The following ENTR1 variants were observed in gnomAD, a reference collection of about 807,000 sequenced individuals.
ENTR1 encodes endosome associated trafficking regulator 1.
ENTR1 carries 47 observed loss-of-function variants against 47.9 expected under a neutral mutation model. That is an observed-to-expected ratio of 0.98 (90% CI 0.78 to 1.25). The LOEUF (loss-of-function observed/expected upper bound fraction) is 1.25. Among genes scored for constraint, ENTR1 ranks in the 50% most tolerant of loss-of-function variants. ENTR1 has a pLI of 0.00. For missense variants in ENTR1, 668 were observed against 570.5 expected, an observed-to-expected ratio of 1.17 and a Z score of -1.74; for synonymous variants, 290 against 245.8, an observed-to-expected ratio of 1.18 and a Z score of -1.68.
chr9:136,407,418 G>T lies in ENTR1; in HGVS notation c.546C>A (p.Thr182=), dbSNP rs371136291. Residue 182 remains threonine, a synonymous_variant, in exon 5 of 10, where the codon ACC becomes ACA. Coordinates refer to ENST00000357365, the MANE Select transcript of ENTR1 (RefSeq NM_001039707.2). ...ACGGCAGGTAGGCCCCACTCCATCCGGTGTCCTCATCCTCCTCCTCATCCA... is the reference window on the plus strand; with the variant it reads ...ACGGCAGGTAGGCCCCACTCCATCCTGTGTCCTCATCCTCCTCCTCATCCA... The part of the protein sequence containing the change: ...DLLDEEEDED[T]GWSGAYLPSA... 1.2e-6 allele frequency: 2 copies of T among 1,609,580 alleles called. No homozygotes were observed. Among genetic ancestry groups the T allele is most frequent in the South Asian group, 1.1e-5 (1 of 90,466 alleles).
rs1384679395 is a variant in ENTR1, at chr9:136,404,965, C to T, written c.1005+126G>A. 13 of 775,916 alleles carry T rather than the reference C, an allele frequency of 1.7e-5. No individual in the cohort carries two copies. The Admixed American group carries it at 3.0e-4, about 18-fold the overall frequency. The allele number at this position is 775,916 out of a possible 1,614,324, so 48.1% of individuals were successfully genotyped here. ...GCGAGACAGCGACGTCAAAGAACAC[C>T]AGTCCCAGAGAGCCACATGGCCCCG... On this transcript the variant is annotated intron_variant, in intron 7 of 9. Transcript: ENST00000357365.
chr9:136,407,841 G>A lies in ENTR1; in HGVS notation c.387C>T (p.Ser129=), dbSNP rs772125333. The A allele has an allele frequency of 1.2e-6, 2 of 1,611,430 alleles. No individual in the cohort carries two copies. Among genetic ancestry groups the A allele is most frequent in the South Asian group, 1.1e-5 (1 of 91,046 alleles). ...NLGLSKEDPA[S]RIYAKEASRH... ...GTGGATTTACCTTTGCATAAATTCT[G>A]CTGGCCGGATCCTCTTTCGAGAGGC... The change falls in exon 4 of 10, where the codon AGC becomes AGT. Residue 129 remains serine (S), a synonymous_variant. Coordinates refer to ENST00000357365, the MANE Select transcript of ENTR1 (RefSeq NM_001039707.2).
At chr9:136,403,406 T>C (rs1230864894) in intron 9 of ENTR1, among the ~76,000 whole-genome samples, 1 of 39,388 alleles carries the variant, frequency 2.5e-5, no homozygotes, top group East Asian at 7.2e-4. Context: ...GAGCAAGGGG[T>C]GGGGTTTGCC....
intron 8 of ENTR1, 81 bp from the exon 9 acceptor site, chr9:136,404,275 T>C: frequency 6.6e-7 from 1 of 1,525,178 alleles, no homozygotes; most frequent in Admixed American, 2.1e-5. Flanking sequence ...GGCGAGGGCT[T>C]ACCCGTGGGG....
At chr9:136,405,779 G>T in intron 6 of ENTR1, 126 bp downstream of exon 6, 1 of 588,390 alleles carries the variant, frequency 1.7e-6, no homozygotes, top group Non-Finnish European at 2.9e-6. Flanking sequence ...TGTGTTTGAT[G>T]CTGAACATTT....
chr9:136,408,461 C>A (rs1834892701), intron 3 of ENTR1, among the ~76,000 whole-genome samples: 2 of 151,960 alleles, frequency 1.3e-5, no homozygotes, highest in Non-Finnish European at 1.5e-5. Context: ...GCCTGTAGTC[C>A]CAGCTACTCG....
intron 2 of ENTR1, 199 bp downstream of exon 2, chr9:136,409,891 G>T: frequency 1.4e-6 from 1 of 736,964 alleles, no homozygotes; most frequent in Non-Finnish European, 2.5e-6. Context: ...TACTGGAACT[G>T]TCTGTCTTGG....
rs1324852897 is a variant in ENTR1, at chr9:136,405,902, T to C, written c.893+3A>G. The C allele has an allele frequency of 1.3e-6, 2 of 1,579,630 alleles. No homozygotes were observed. The highest frequency in any genetic ancestry group is 1.8e-5 in the Admixed American group (1 of 54,404). On this transcript the variant is annotated splice_donor_region_variant and intron_variant, in intron 6 of 9. Transcript: ENST00000357365. ...TTGCATTCCTAACTAAAAGCTTACA[T>C]ACATTTCTGTTTGAGCTTCAGAGAA...
chr9:136,409,041 A>T lies in ENTR1; in HGVS notation c.247T>A (p.Ser83Thr). The T allele has an allele frequency of 6.2e-7, 1 of 1,613,956 alleles. No homozygotes were observed. The highest frequency in any genetic ancestry group is 8.5e-7 in the Non-Finnish European group (1 of 1,179,994). ...TGGGCTCCTGACGGGCTCTGCTTAG[A>T]ACATTTCCCCTTTCCATAGCCAAAA... ...TDFGYGKGKC[S>T]KQSPSGAHGT... Residue 83 changes from serine to threonine, a missense_variant, in exon 3 of 10, where the codon TCT becomes ACT. By Grantham distance (58) the Ser-to-Thr change is moderately conservative. Coordinates refer to ENST00000357365, the MANE Select transcript of ENTR1 (RefSeq NM_001039707.2).
Position 136,410,250 on chromosome 9 carries a change from C to T in ENTR1, c.71-11G>A. The T allele has an allele frequency of 6.4e-7, 1 of 1,563,990 alleles. No individual in the cohort carries two copies. Among genetic ancestry groups the T allele is most frequent in the Non-Finnish European group, 8.7e-7 (1 of 1,155,092 alleles). ...CATAGAACGCTGGAGCTGGAAGCAA[C>T]GACAACAGCGACTTTACTGCGTGCC... On this transcript the variant is annotated splice_polypyrimidine_tract_variant and intron_variant, in intron 1 of 9. Coordinates refer to ENST00000357365, the MANE Select transcript of ENTR1 (RefSeq NM_001039707.2).
rs1834814505 is a variant in ENTR1, at chr9:136,407,297, CT to C, written c.666del (p.Pro224LeufsTer9). ...GCCCACGAGGGCAGAGACTCAGGCC[CT>C]GCCAGCTCCGACGGGGTGGAGAAAA... ...LSFFSTPSEL[A>X]GPESLPSWAL... is the part of the protein sequence containing the mutation. On this transcript the variant is annotated frameshift_variant, in exon 5 of 10. Transcript: ENST00000357365. LOFTEE classifies it high-confidence loss of function. 1 of 1,612,336 alleles carries C rather than the reference CT, an allele frequency of 6.2e-7. No homozygotes were observed. Among genetic ancestry groups the C allele is most frequent in the Non-Finnish European group, 8.5e-7 (1 of 1,179,872 alleles).
intron 5 of ENTR1, 90 bp downstream of exon 5, chr9:136,407,055 C>T: frequency 1.5e-6 from 2 of 1,343,630 alleles, no homozygotes; most frequent in South Asian, 1.4e-5. Context: ...TCAAACCAGG[C>T]CACCCAAGAG....
intron 3 of ENTR1, 39 bp downstream of exon 3, chr9:136,408,960 G>T: frequency 6.4e-7 from 1 of 1,559,226 alleles, no homozygotes; most frequent in Non-Finnish European, 8.8e-7. Context: ...GCACTGTGTT[G>T]GATGGAGACA....
chr9:136,406,032 C>T (rs59257707), intron 5 of ENTR1, 54 bp from the exon 6 acceptor site: 48,528 of 1,382,568 alleles, frequency 0.035, 1,110 homozygotes, highest in East Asian at 0.11. Context: ...CTCAAAAGGG[C>T]GTGTGCTTCT....
intron 6 of ENTR1, 111 bp from the exon 7 acceptor site, chr9:136,405,313 GTC>G: frequency 1.2e-6 from 1 of 834,350 alleles, no homozygotes; most frequent in Non-Finnish European, 2.0e-6. Context: ...GATGGAATGG[GTC>G]TCAGGCACAG....
At chr9:136,406,679 G>A (rs948116025) in intron 5 of ENTR1, among the ~76,000 whole-genome samples, 10 of 144,478 alleles carry the variant, frequency 6.9e-5, no homozygotes, top group Non-Finnish European at 1.4e-4. Flanking sequence ...GTTTCACCAT[G>A]TTGGCCAGGC....
chr9:136,403,990 A>T lies in ENTR1; in HGVS notation c.1208+65T>A, dbSNP rs574139775. The T allele has an allele frequency of 1.1e-5, 16 of 1,493,424 alleles. No individual in the cohort carries two copies. The South Asian group carries it at 2.1e-4, about 20-fold the overall frequency. 92.5% of individuals were successfully genotyped at this position (1,493,424 alleles called of 1,614,324 possible). A position where few individuals can be genotyped will look rare whatever the true frequency, so the allele number is the denominator to read the frequency against. ...TCAGCCTGGGCCCCCACCCAGGATC[A>T]CTGACGACCACTCCAATCTCACCCC... On this transcript the variant is annotated intron_variant, in intron 9 of 9. Coordinates refer to ENST00000357365, the MANE Select transcript of ENTR1 (RefSeq NM_001039707.2).
Position 136,410,603 on chromosome 9 carries a change from G to C in ENTR1, c.-206C>G, listed in dbSNP as rs940253478. On this transcript the variant is annotated 5_prime_UTR_variant, in exon 1 of 10. Coordinates refer to ENST00000357365, the MANE Select transcript of ENTR1 (RefSeq NM_001039707.2). ...GCGTGCCTGAACGCCTTGGGCCGTC[G>C]GCGAGGGGGAGGGGAAGCCGTGGGC... The C allele has an allele frequency of 1.6e-6, 2 of 1,286,398 alleles. No individual in the cohort carries two copies. The highest frequency in any genetic ancestry group is 3.0e-5 in the African/African-American group (2 of 66,082). 79.7% of individuals were successfully genotyped at this position (1,286,398 alleles called of 1,614,324 possible).
In ENTR1 at chr9:136,407,134, GGCTCACTTACT is replaced by G. The variant is rs1210377693; in HGVS notation, c.819_819+10del. Reference sequence around the variant, plus strand: ...GGCGCTGTGCCAGAGGGCGCCGTGAGGCTCACTTACTGCGTCGTAACTTATCTGCAGCGTCC... The same window carrying G: ...GGCGCTGTGCCAGAGGGCGCCGTGAGGCGTCGTAACTTATCTGCAGCGTCC... On this transcript the variant is annotated splice_donor_variant and splice_donor_5th_base_variant and coding_sequence_variant and intron_variant, in exon 5 of 10. Transcript: ENST00000357365. LOFTEE classifies it high-confidence loss of function. The G allele has an allele frequency of 3.8e-6, 6 of 1,579,150 alleles. No individual in the cohort carries two copies. Among genetic ancestry groups the G allele is most frequent in the African/African-American group, 1.3e-5 (1 of 74,212 alleles).
Sources: allele counts gnomAD v4.1 joint callset (sites outside exome capture counted in the v4.1 genomes callset), GRCh38; gene constraint gnomAD v4.1.1; transcripts MANE v1.5; gene names NCBI Gene and HGNC (gene_info 2026-07-23, HGNC 2026-07-21).